FBN1: variants seen among roughly 807,000 people sequenced by gnomAD.
FBN1 encodes the protein fibrillin 1.
Under a neutral mutation model 365.1 loss-of-function variants are expected in FBN1, and 29 were observed. That is an observed-to-expected ratio of 0.08 (90% confidence interval 0.06 to 0.11). The LOEUF (loss-of-function observed/expected upper bound fraction) is 0.11, where lower values mean the gene tolerates loss of function less well. Ranked by LOEUF, FBN1 falls within the 10% of genes least tolerant of loss-of-function variation. FBN1 has a pLI of 1.00. For synonymous variants in FBN1, 1,210 were observed against 1,270.5 expected (o/e 0.95, Z 1.01); for missense variants, 2,476 against 3,703.2 (o/e 0.67, Z 8.60).
At chr15:48,450,083 C>T (rs890421023) in intron 45 of FBN1, among the ~76,000 whole-genome samples, 1 of 152,162 alleles carries the variant, frequency 6.6e-6, no homozygotes, top group Non-Finnish European at 1.5e-5. Context: ...TGCAGAAATG[C>T]TATTTAACAA....
chr15:48,516,033 T>TGATATA (rs1254078255), intron 11 of FBN1, 150 bp downstream of exon 11: 2 of 739,302 alleles, frequency 2.7e-6, no homozygotes, highest in Non-Finnish European at 4.4e-6. Context: ...GACATACATA[T>TGATATA]GATATAGATA....
intron 19 of FBN1, among the ~76,000 whole-genome samples, chr15:48,496,609 CTAAA>C (rs1297220432): frequency 6.6e-6 from 1 of 152,176 alleles, no homozygotes; most frequent in African/African-American, 2.4e-5. Context: ...ATTTAAGGAA[CTAAA>C]TAAATATTTA....
At chr15:48,593,983 A>T (rs1307031186) in intron 6 of FBN1, among the ~76,000 whole-genome samples, 4 of 152,064 alleles carry the variant, frequency 2.6e-5, no homozygotes, top group Non-Finnish European at 5.9e-5. Flanking sequence ...ATACCAACCC[A>T]CCATCGGAAG....
chr15:48,619,975 A>G (rs1238679734), intron 2 of FBN1, among the ~76,000 whole-genome samples: 2 of 152,140 alleles, frequency 1.3e-5, no homozygotes, highest in Non-Finnish European at 2.9e-5. Flanking sequence ...TTTAAAAATT[A>G]AATTAACCTA....
At chr15:48,498,958 G>T (rs1397303729) in intron 18 of FBN1, 27 bp downstream of exon 18, 6 of 1,609,368 alleles carry the variant, frequency 3.7e-6, no homozygotes, top group African/African-American at 1.3e-5. Context: ...CATACTGAAG[G>T]TAGTAAATTT....
At chr15:48,417,497 C>CCTCCT (rs2042912281) in intron 63 of FBN1, among the ~76,000 whole-genome samples, 1 of 146,448 alleles carries the variant, frequency 6.8e-6, no homozygotes, top group Non-Finnish European at 1.5e-5. Context: ...TCTCTCCTCC[C>CCTCCT]CTCCTTCCTT....
At chr15:48,583,336 C>T (rs1312270805) in intron 6 of FBN1, among the ~76,000 whole-genome samples, 1 of 152,060 alleles carries the variant, frequency 6.6e-6, no homozygotes, top group Non-Finnish European at 1.5e-5. Context: ...TTAAAATAAC[C>T]AAATGTTTTG....
intron 17 of FBN1, among the ~76,000 whole-genome samples, chr15:48,503,314 AG>A (rs11327079): frequency 0.095 from 12,962 of 135,878 alleles, 2,141 homozygotes; most frequent in African/African-American, 0.32. Context: ...AAAAAAAAAA[AG>A]AAGAAGAAGA....
chr15:48,588,560 T>C (rs1421484898), intron 6 of FBN1, among the ~76,000 whole-genome samples: 1 of 152,110 alleles, frequency 6.6e-6, no homozygotes, highest in South Asian at 2.1e-4. Context: ...AATTTAACAG[T>C]TGTACTAAAT....
chr15:48,421,029 C>T (rs1187452283), intron 62 of FBN1, among the ~76,000 whole-genome samples: 3 of 151,996 alleles, frequency 2.0e-5, no homozygotes, highest in Admixed American at 6.5e-5. Flanking sequence ...TAGTGCAAAG[C>T]CCAAAGCACT....
intron 32 of FBN1, among the ~76,000 whole-genome samples, chr15:48,479,804 T>A (rs936870815): frequency 6.6e-6 from 1 of 152,294 alleles, no homozygotes; most frequent in Middle Eastern, 3.4e-3. Flanking sequence ...AGAGTAAGAT[T>A]TTCCTTCTTT....
intron 15 of FBN1, among the ~76,000 whole-genome samples, chr15:48,505,859 T>C (rs2043703880): frequency 6.6e-6 from 1 of 152,110 alleles, no homozygotes. Flanking sequence ...GAGGGTTTTT[T>C]CCCCCCTTAA....
In FBN1 at chr15:48,449,818, A is replaced by C. The variant is rs149789428; in HGVS notation, c.5546-925T>G. On this transcript the variant is annotated intron_variant, in intron 45 of 65. Transcript: ENST00000316623. ...CATTTCGCTCTTAGTTAAATAATCC[A>C]GACTTGCCGTTTGCCTGCAATGTCT... Among the ~76,000 whole-genome samples, 762 of 152,336 alleles carry C rather than the reference A, an allele frequency of 5.0e-3. 6 individuals carry two copies. Among genetic ancestry groups the C allele is most frequent in the African/African-American group, 0.018 (730 of 41,578 alleles).
At chr15:48,590,602 A>G (rs1354929600) in intron 6 of FBN1, among the ~76,000 whole-genome samples, 1 of 152,232 alleles carries the variant, frequency 6.6e-6, no homozygotes, top group East Asian at 1.9e-4. Flanking sequence ...GTGGAATTAC[A>G]ATCAACCTAG....
At chr15:48,529,269 T>C (rs1015144206) in intron 8 of FBN1, 3 of 152,356 alleles carry the variant, frequency 2.0e-5, no homozygotes, top group Non-Finnish European at 4.4e-5. Context: ...TGTCCCATGG[T>C]AGCTGTCCAT....
intron 12 of FBN1, 132 bp from the exon 13 acceptor site, chr15:48,513,800 T>C: frequency 7.4e-6 from 8 of 1,075,052 alleles, no homozygotes; most frequent in Non-Finnish European, 1.1e-5. Flanking sequence ...AAGGATCTTT[T>C]TTCTTTCCAC....
intron 50 of FBN1, among the ~76,000 whole-genome samples, chr15:48,438,575 A>G (rs1333942138): frequency 6.7e-6 from 1 of 149,802 alleles, no homozygotes; most frequent in Admixed American, 6.6e-5. Context: ...ACATATGCAG[A>G]GCTGTGTCAA....
At chr15:48,533,941 A>G in intron 8 of FBN1, 139 bp downstream of exon 8, 1 of 1,287,148 alleles carries the variant, frequency 7.8e-7, no homozygotes, top group South Asian at 1.2e-5. Context: ...TATTACTGTT[A>G]AAAATATTAT....
intron 2 of FBN1, among the ~76,000 whole-genome samples, chr15:48,633,841 G>A (rs549322948): frequency 1.3e-5 from 2 of 152,096 alleles, no homozygotes; most frequent in African/African-American, 2.4e-5. Context: ...ACCCAACAAC[G>A]CGCCTCTTAG....
Sources: allele counts gnomAD v4.1 joint callset (sites outside exome capture counted in the v4.1 genomes callset), GRCh38; gene constraint gnomAD v4.1.1; transcripts MANE v1.5; gene names NCBI Gene and HGNC (gene_info 2026-07-23, HGNC 2026-07-21).